Variants in CYP2C8 observed in about 807,000 individuals in gnomAD.
The protein encoded by CYP2C8 is cytochrome P450 family 2 subfamily C member 8, also known as cytochrome P450 2C8.
In CYP2C8, 51 loss-of-function variants were observed where a neutral mutation model predicts 41.3. The ratio of observed to expected loss-of-function variants is 1.24; its 90% CI spans 0.99 to 1.56. The LOEUF (loss-of-function observed/expected upper bound fraction) is 1.56. Ranked by LOEUF, CYP2C8 falls within the 40% of genes most tolerant of loss-of-function variation. CYP2C8 has a pLI of 0.00. For missense variants in CYP2C8, 651 were observed against 579.9 expected (o/e 1.12, Z -1.26); for synonymous variants, 218 against 205.8 (o/e 1.06, Z -0.51).
intron 4 of CYP2C8, among the ~76,000 whole-genome samples, chr10:95,058,723 C>A (rs2033361526): frequency 6.6e-6 from 1 of 151,986 alleles, no homozygotes; most frequent in African/African-American, 2.4e-5. Context: ...ATACATGTGC[C>A]AGGTTGGTGT....
chr10:95,060,813 G>A (rs77794699), intron 4 of CYP2C8, among the ~76,000 whole-genome samples: 39,880 of 151,976 alleles, frequency 0.26, 5,456 homozygotes, highest in Non-Finnish European at 0.29. Flanking sequence ...TTTTAGATAC[G>A]TCCCATCAAT....
chr10:95,037,702 A>G (rs1038042728), intron 8 of CYP2C8, among the ~76,000 whole-genome samples: 3 of 152,150 alleles, frequency 2.0e-5, no homozygotes, highest in African/African-American at 7.2e-5. Context: ...TCCAAGCCTG[A>G]TATTCCATGA....
intron 8 of CYP2C8, 71 bp downstream of exon 8, chr10:95,038,826 A>T: frequency 6.9e-7 from 1 of 1,451,234 alleles, no homozygotes; most frequent in Non-Finnish European, 9.7e-7. Flanking sequence ...AGGAGGTGCC[A>T]TGTAAATTCC....
chr10:95,059,273 GCTC>G (rs2033374618), intron 4 of CYP2C8, among the ~76,000 whole-genome samples: 1 of 152,108 alleles, frequency 6.6e-6, no homozygotes, highest in Non-Finnish European at 1.5e-5. Flanking sequence ...GTGTAAAAGT[GCTC>G]CTATTTCTCC....
At chr10:95,045,374 A>G (rs894362486) in intron 6 of CYP2C8, among the ~76,000 whole-genome samples, 23 of 152,208 alleles carry the variant, frequency 1.5e-4, no homozygotes, top group African/African-American at 4.8e-4. Context: ...ATGCCTCAGT[A>G]CAATTCTAGA....
intron 4 of CYP2C8, among the ~76,000 whole-genome samples, chr10:95,061,667 C>T (rs1216861116): frequency 6.6e-6 from 1 of 152,112 alleles, no homozygotes; most frequent in Non-Finnish European, 1.5e-5. Context: ...TTAGTTATTT[C>T]TTGCCTTCTG....
intron 5 of CYP2C8, among the ~76,000 whole-genome samples, chr10:95,055,907 A>G (rs2033306522): frequency 6.6e-6 from 1 of 152,068 alleles, no homozygotes; most frequent in South Asian, 2.1e-4. Context: ...CCTAGGAAAC[A>G]TGGTGAAACC....
intron 5 of CYP2C8, among the ~76,000 whole-genome samples, chr10:95,057,012 GT>G (rs2033328366): frequency 6.6e-6 from 1 of 152,178 alleles, no homozygotes; most frequent in Non-Finnish European, 1.5e-5. Flanking sequence ...GCTCAGGGCA[GT>G]TTTGTGGTCA....
chr10:95,048,488 A>G (rs1028470484), intron 5 of CYP2C8, among the ~76,000 whole-genome samples: 23 of 152,192 alleles, frequency 1.5e-4, no homozygotes, highest in African/African-American at 4.6e-4. Flanking sequence ...TTGGTTATAA[A>G]TAGGTTTAGT....
At chr10:95,038,195 A>G (rs2032923511) in intron 8 of CYP2C8, among the ~76,000 whole-genome samples, 3 of 152,228 alleles carry the variant, frequency 2.0e-5, no homozygotes, top group Non-Finnish European at 2.9e-5. Context: ...TTGGAAGAAG[A>G]CAGGGTGCTC....
rs369903024 is a variant in CYP2C8, at chr10:95,061,266, G to T, written c.643-2755C>A. ...ATAGAATTTGGCTGTGAATCCACCT[G>T]GTCCTGGACTTTTTTTGGTTGGTAA... On this transcript the variant is annotated intron_variant, in intron 4 of 8. Transcript: ENST00000371270. 3.5e-4 allele frequency among the ~76,000 whole-genome samples: 53 copies of T among 152,260 alleles called. No homozygotes were observed. The East Asian group carries it at 9.5e-3, about 27-fold the overall frequency.
Position 95,037,045 on chromosome 10 carries a change from A to C in CYP2C8, c.*83T>G. 2 of 1,280,858 alleles carry C rather than the reference A, an allele frequency of 1.6e-6. No individual in the cohort carries two copies. The highest frequency in any genetic ancestry group is 4.6e-5 in the East Asian group (2 of 43,076). The allele number at this position is 1,280,858 out of a possible 1,614,324, so 79.3% of individuals were successfully genotyped here. Reference sequence around the variant, plus strand: ...ATGGGAAGATTTGATGAGAGGTCAGAGAAGACATAATAGTGGGAATGTCCT... The same window carrying C: ...ATGGGAAGATTTGATGAGAGGTCAGCGAAGACATAATAGTGGGAATGTCCT... On this transcript the variant is annotated 3_prime_UTR_variant, in exon 9 of 9. Transcript: ENST00000371270.
chr10:95,062,639 C>T (rs1465314169), intron 4 of CYP2C8, among the ~76,000 whole-genome samples: 1 of 152,136 alleles, frequency 6.6e-6, no homozygotes, highest in Non-Finnish European at 1.5e-5. Flanking sequence ...AACCCATTTA[C>T]ATTTAAGGTT....
At chr10:95,040,721 T>C (rs1048523680) in intron 7 of CYP2C8, among the ~76,000 whole-genome samples, 1 of 152,242 alleles carries the variant, frequency 6.6e-6, no homozygotes, top group Non-Finnish European at 1.5e-5. Flanking sequence ...GTTGTCATTA[T>C]AATTGCCTAT....
chr10:95,060,498 C>T (rs1021011893), intron 4 of CYP2C8, among the ~76,000 whole-genome samples: 2 of 152,122 alleles, frequency 1.3e-5, no homozygotes, highest in Non-Finnish European at 2.9e-5. Context: ...GATTTTGTAT[C>T]CCGAGACATT....
intron 3 of CYP2C8, among the ~76,000 whole-genome samples, chr10:95,065,171 C>T (rs542151998): frequency 1.3e-3 from 201 of 152,214 alleles, no homozygotes; most frequent in Non-Finnish European, 2.3e-3. Flanking sequence ...AATGTCATTT[C>T]GCATGTGGTT....
chr10:95,069,334 GCT>G lies in CYP2C8; in HGVS notation c.67_68del (p.Ser23LeufsTer2), dbSNP rs759197233. The G allele has an allele frequency of 1.2e-6, 2 of 1,613,970 alleles. No homozygotes were observed. The highest frequency in any genetic ancestry group is 2.7e-5 in the African/African-American group (2 of 74,922). ...FMLLFSLWRQSCRRRKLPPGP... is the reference protein window; with the variant it reads ...FMLLFSLWRQXCRRRKLPPGP... ...CAGGAGGGAGCTTCCTTCTCCTACA[GCT>G]CTGTCTCCAGAGTGAAAAGAGAAGC... On this transcript the variant is annotated frameshift_variant, in exon 1 of 9. Transcript: ENST00000371270. LOFTEE classifies it high-confidence loss of function.
chr10:95,067,055 C>T (rs577501010), intron 3 of CYP2C8, among the ~76,000 whole-genome samples, 153 bp downstream of exon 3: 2 of 152,314 alleles, frequency 1.3e-5, no homozygotes, highest in South Asian at 4.1e-4. Context: ...CAAAACCTCC[C>T]TTGTCTCTGT....
intron 5 of CYP2C8, among the ~76,000 whole-genome samples, chr10:95,050,841 T>C (rs2033200737): frequency 6.6e-6 from 1 of 151,796 alleles, no homozygotes; most frequent in African/African-American, 2.4e-5. Flanking sequence ...AAGTCCTTTT[T>C]AATATCTGGA....
Sources: allele counts gnomAD v4.1 joint callset (sites outside exome capture counted in the v4.1 genomes callset), GRCh38; gene constraint gnomAD v4.1.1; transcripts MANE v1.5; gene names NCBI Gene and HGNC (gene_info 2026-07-23, HGNC 2026-07-21).